Variants in PPP1R13B observed in about 807,000 individuals in gnomAD.
PPP1R13B encodes apoptosis-stimulating of p53 protein 1.
In PPP1R13B, 44 loss-of-function variants were observed where a neutral mutation model predicts 119.8. The ratio of observed to expected loss-of-function variants is 0.37; its 90% confidence interval spans 0.29 to 0.47. PPP1R13B has a LOEUF of 0.47. Among genes scored for constraint, PPP1R13B ranks in the 20% least tolerant of loss-of-function variants. The probability of loss-of-function intolerance (pLI) is 0.99; values close to 1 mark genes in which losing one functional copy is unlikely to be tolerated. For missense variants in PPP1R13B, 1,227 were observed against 1,413.5 expected, an observed-to-expected ratio of 0.87 and a Z score of 2.12; for synonymous variants, 542 against 561.5, an observed-to-expected ratio of 0.97 and a Z score of 0.49.
At chr14:103,770,528 T>A (rs2085043773) in intron 4 of PPP1R13B, among the ~76,000 whole-genome samples, 1 of 151,456 alleles carries the variant, frequency 6.6e-6, no homozygotes, top group South Asian at 2.1e-4. Flanking sequence ...AAAAAAAAAA[T>A]TCATCCATAT....
At chr14:103,767,550 T>C (rs993131263) in intron 4 of PPP1R13B, among the ~76,000 whole-genome samples, 2 of 152,132 alleles carry the variant, frequency 1.3e-5, no homozygotes, top group Non-Finnish European at 2.9e-5. Flanking sequence ...TGCTGATATA[T>C]AATTCTTGCA....
chr14:103,808,272 G>A (rs996168542), intron 1 of PPP1R13B, among the ~76,000 whole-genome samples: 1 of 151,828 alleles, frequency 6.6e-6, no homozygotes, highest in African/African-American at 2.4e-5. Flanking sequence ...TGAAAGTCAG[G>A]AGCCTTGAAC....
chr14:103,751,158 AAAC>A (rs777113602), intron 7 of PPP1R13B, among the ~76,000 whole-genome samples: 4 of 152,236 alleles, frequency 2.6e-5, no homozygotes, highest in Admixed American at 6.5e-5. Flanking sequence ...AAGAAAAACA[AAAC>A]AACAACAACA....
chr14:103,844,054 C>T (rs2086970292), intron 1 of PPP1R13B, among the ~76,000 whole-genome samples: 3 of 151,630 alleles, frequency 2.0e-5, no homozygotes, highest in Admixed American at 2.0e-4. Flanking sequence ...ATCACTCAAG[C>T]TCAGAAATTC....
At chr14:103,835,939 C>T (rs1372838731) in intron 1 of PPP1R13B, among the ~76,000 whole-genome samples, 1 of 151,242 alleles carries the variant, frequency 6.6e-6, no homozygotes, top group African/African-American at 2.4e-5. Context: ...CAGGGTCTCA[C>T]TATGTTGCCC....
intron 4 of PPP1R13B, chr14:103,763,803 T>G (rs1358338609): frequency 6.6e-6 from 1 of 152,284 alleles, no homozygotes; most frequent in African/African-American, 2.4e-5. Flanking sequence ...TCACCATTAA[T>G]TTCCACTCTG....
At chr14:103,755,947 A>T (rs887881476) in intron 5 of PPP1R13B, among the ~76,000 whole-genome samples, 1 of 152,232 alleles carries the variant, frequency 6.6e-6, no homozygotes, top group Non-Finnish European at 1.5e-5. Flanking sequence ...GGATAGTACA[A>T]TGAAGTATAT....
At chr14:103,781,901 C>CA (rs2085345393) in intron 3 of PPP1R13B, among the ~76,000 whole-genome samples, 1 of 152,168 alleles carries the variant, frequency 6.6e-6, no homozygotes, top group African/African-American at 2.4e-5. Flanking sequence ...ATCCAACCTC[C>CA]TTGGCCTCCC....
At chr14:103,756,323 C>A (rs997534067) in intron 5 of PPP1R13B, among the ~76,000 whole-genome samples, 5 of 152,146 alleles carry the variant, frequency 3.3e-5, no homozygotes, top group African/African-American at 1.2e-4. Context: ...CTCCTGACCT[C>A]AGATGATCCA....
At chr14:103,752,847 T>A (rs554093187) in intron 7 of PPP1R13B, among the ~76,000 whole-genome samples, 153 bp downstream of exon 7, 60 of 152,354 alleles carry the variant, frequency 3.9e-4, no homozygotes, top group African/African-American at 1.4e-3. Flanking sequence ...CCAAGTCATT[T>A]AAAAAATTAT....
upstream of PPP1R13B, chr14:103,848,318 G>C: frequency 1.0e-6 from 1 of 985,442 alleles, no homozygotes; most frequent in Non-Finnish European, 1.2e-6. Context: ...CCCGGGGAGG[G>C]TCCGGTCCTC....
intron 4 of PPP1R13B, among the ~76,000 whole-genome samples, chr14:103,760,948 A>G (rs2084789481): frequency 6.6e-6 from 1 of 152,220 alleles, no homozygotes; most frequent in Non-Finnish European, 1.5e-5. Context: ...TAAACAAAAT[A>G]TTTGTCTCTC....
rs538245454 is a variant in PPP1R13B, at chr14:103,764,828, G to T, written c.355-7077C>A. Among the ~76,000 whole-genome samples, 343 of 150,014 alleles carry T rather than the reference G, an allele frequency of 2.3e-3. 2 individuals are homozygous for T. Among genetic ancestry groups the T allele is most frequent in the African/African-American group, 7.5e-3 (308 of 40,920 alleles). ...AAAGTAAATACAGCTGTTTTTTTTT[G>T]TTGTTGTTTGAGATGGAGTCTCGCT... On this transcript the variant is annotated intron_variant, in intron 4 of 16. Coordinates refer to ENST00000202556, the MANE Select transcript of PPP1R13B (RefSeq NM_015316.3).
intron 1 of PPP1R13B, among the ~76,000 whole-genome samples, chr14:103,802,497 G>A (rs543054278): frequency 1.3e-5 from 2 of 152,100 alleles, no homozygotes; most frequent in South Asian, 4.2e-4. Context: ...TTTCTTCCTT[G>A]TTCCTTACCC....
intron 1 of PPP1R13B, among the ~76,000 whole-genome samples, chr14:103,833,956 C>T (rs2086716236): frequency 6.6e-6 from 1 of 152,210 alleles, no homozygotes; most frequent in Non-Finnish European, 1.5e-5. Flanking sequence ...TAAGCAAGTA[C>T]ATGTTAAATG....
chr14:103,804,953 C>T (rs2085982197), intron 1 of PPP1R13B, among the ~76,000 whole-genome samples: 1 of 152,194 alleles, frequency 6.6e-6, no homozygotes, highest in Non-Finnish European at 1.5e-5. Context: ...TCTCCTGCTT[C>T]AGCCTCCCAA....
intron 1 of PPP1R13B, among the ~76,000 whole-genome samples, chr14:103,816,687 ATT>A (rs1370767126): frequency 2.0e-5 from 3 of 150,506 alleles, no homozygotes; most frequent in Non-Finnish European, 3.0e-5. Flanking sequence ...AAAAAAAAAA[ATT>A]ATTTCCTTTC....
chr14:103,836,734 C>A (rs1032236005), intron 1 of PPP1R13B, among the ~76,000 whole-genome samples: 1 of 148,838 alleles, frequency 6.7e-6, no homozygotes. Flanking sequence ...AGCGCCATCG[C>A]ACTCCAGCCT....
intron 3 of PPP1R13B, among the ~76,000 whole-genome samples, chr14:103,781,652 G>C (rs1184096375): frequency 6.6e-6 from 1 of 151,870 alleles, no homozygotes; most frequent in Non-Finnish European, 1.5e-5. Context: ...GTTTTGTTTT[G>C]TTTTTGTTGT....
Sources: gnomAD v4.1 joint callset for allele counts (sites outside exome capture counted in the v4.1 genomes callset) on GRCh38, gnomAD v4.1.1 for gene constraint, MANE v1.5 for transcripts, NCBI Gene and HGNC (gene_info 2026-07-23, HGNC 2026-07-21) for gene names.